RACGAP1: variants seen among roughly 807,000 people sequenced by gnomAD.
RACGAP1 encodes the protein Rac GTPase activating protein 1.
RACGAP1 carries 30 observed loss-of-function variants against 78.1 expected under a neutral mutation model. The observed-to-expected ratio is 0.38, with a 90% confidence interval of 0.29 to 0.52. The LOEUF is 0.52. RACGAP1 is among the 20% of genes least tolerant of loss of function. The probability of loss-of-function intolerance (pLI) is 0.82; values close to 1 mark genes in which losing one functional copy is unlikely to be tolerated. For synonymous variants in RACGAP1, 231 were observed against 264.8 expected, an observed-to-expected ratio of 0.87 and a Z score of 1.24; for missense variants, 587 against 777.1, an observed-to-expected ratio of 0.76 and a Z score of 2.91.
chr12:50,025,534 C>G, upstream of RACGAP1: 1 of 985,498 alleles, frequency 1.0e-6, no homozygotes. Flanking sequence ...TCCTCCCGCG[C>G]CGTCCCTCTA....
At chr12:50,015,756 C>T (rs1360656280) in intron 2 of RACGAP1, among the ~76,000 whole-genome samples, 1 of 151,048 alleles carries the variant, frequency 6.6e-6, no homozygotes, top group Non-Finnish European at 1.5e-5. Flanking sequence ...GAGCCGAGAT[C>T]GCACCACTGC....
At chr12:50,002,404 T>C (rs1948736621) in intron 5 of RACGAP1, 104 bp from the exon 6 acceptor site, 10 of 882,860 alleles carry the variant, frequency 1.1e-5, no homozygotes, top group Non-Finnish European at 1.8e-5. Context: ...TCAGTCAGGC[T>C]ACCTAACGTA....
At chr12:50,015,487 T>C (rs906416813) in intron 2 of RACGAP1, among the ~76,000 whole-genome samples, 2 of 151,968 alleles carry the variant, frequency 1.3e-5, no homozygotes, top group African/African-American at 2.4e-5. Context: ...CTGGGTAAAA[T>C]AGGGAGACCT....
chr12:49,991,479 A>ATTTTTTT (rs1197357619), intron 15 of RACGAP1, among the ~76,000 whole-genome samples: 4 of 24,088 alleles, frequency 1.7e-4, no homozygotes, highest in African/African-American at 5.6e-4. Context: ...ATATATATAT[A>ATTTTTTT]TTTTTTTTTT....
In RACGAP1 at chr12:50,005,347, A is replaced by T; in HGVS notation, c.334T>A (p.Ser112Thr). The T allele has an allele frequency of 6.2e-7, 1 of 1,614,196 alleles. No individual in the cohort carries two copies. Among genetic ancestry groups the T allele is most frequent in the Non-Finnish European group, 8.5e-7 (1 of 1,180,026 alleles). ...LIREMLMCDT[S>T]GSIQLSEEQK... The stretch of plus-strand genomic sequence containing the variant: ...TCCTCGCTTAGTTGAATGCTGCCAG[A>T]TGTGTCACACATGAGCATCTCTCGA... The change falls in exon 4 of 17, where the codon TCT (serine) becomes ACT (threonine). Residue 112 changes from serine (S) to threonine (T), a missense_variant. By Grantham distance (58) the Ser-to-Thr change is moderately conservative (BLOSUM62 1). Transcript: ENST00000312377.
chr12:49,996,657 A>AAAAAAAAAAAAAG (rs1948298422), intron 10 of RACGAP1, among the ~76,000 whole-genome samples: 1 of 138,560 alleles, frequency 7.2e-6, no homozygotes, highest in Non-Finnish European at 1.5e-5. Context: ...AAAAAAAAAA[A>AAAAAAAAAAAAAG]AAAAAAAAAA....
intron 6 of RACGAP1, among the ~76,000 whole-genome samples, 175 bp downstream of exon 6, chr12:50,002,072 G>GAAA (rs79466036): frequency 1.1e-5 from 1 of 87,220 alleles, no homozygotes. Flanking sequence ...TCAAAAAAAA[G>GAAA]AAAAAAAAAA....
intron 5 of RACGAP1, among the ~76,000 whole-genome samples, chr12:50,002,948 C>T (rs1032049995): frequency 2.7e-5 from 4 of 150,120 alleles, no homozygotes; most frequent in East Asian, 4.0e-4. Context: ...GGCATAAACC[C>T]GGGAGGCGGA....
chr12:50,017,927 C>T lies in RACGAP1; in HGVS notation c.-4-1208G>A, dbSNP rs772201952. Among the ~76,000 whole-genome samples the T allele has an allele frequency of 3.9e-5, 6 of 152,236 alleles. No homozygotes were observed. In the South Asian group the frequency reaches 6.2e-4, roughly 16 times the overall value. On this transcript the variant is annotated intron_variant, in intron 1 of 16. Transcript: ENST00000312377. ...ATCCCAGCACTTTGGGAGGCCCAGG[C>T]GGGCGGATCACTTGAGGTCAGGAGT...
intron 2 of RACGAP1, among the ~76,000 whole-genome samples, chr12:50,031,542 C>T (rs771259463): frequency 2.6e-5 from 4 of 151,270 alleles, no homozygotes; most frequent in Non-Finnish European, 5.9e-5. Context: ...TGCTTTTGCT[C>T]GCCCTTCTAG....
Position 50,016,656 on chromosome 12 carries a change from C to G in RACGAP1, c.60G>C (p.Glu20Asp), listed in dbSNP as rs767248256. Residue 20 changes from glutamate (E) to aspartate (D), a missense_variant, in exon 2 of 17, where the codon GAG becomes GAC. Coordinates refer to ENST00000312377, the MANE Select transcript of RACGAP1 (RefSeq NM_001319999.2). ...NLFEQLVRRV[E>D]ILSEGNEVQF... ...GGACTTCATTTCCTTCACTGAGAAT[C>G]TCCACCCGGCGCACAAGCTGCTCAA... 2.5e-5 allele frequency: 41 copies of G among 1,613,902 alleles called. No individual in the cohort carries two copies. Among genetic ancestry groups the G allele is most frequent in the Non-Finnish European group, 3.4e-5 (40 of 1,180,010 alleles).
rs57512055 is a variant in RACGAP1 at position 49,996,628 on chromosome 12, T to TAAAAAAAAAAAAAAA, written c.1044+397_1044+411dup. Among the ~76,000 whole-genome samples the TAAAAAAAAAAAAAAA allele has an allele frequency of 2.6e-4, 5 of 18,994 alleles. 1 individual carries two copies. Among genetic ancestry groups the TAAAAAAAAAAAAAAA allele is most frequent in the Admixed American group, 9.4e-4 (1 of 1,064 alleles). The allele number at this position is 18,994 out of a possible 152,430, so 12.5% of individuals were successfully genotyped here. On this transcript the variant is annotated intron_variant, in intron 10 of 16. Transcript: ENST00000312377. ...TGCACTCCAGCCTAGGCAATAGAGC[T>TAAAAAAAAAAAAAAA]AAAAAAAAAAAAAAAAAAAAAAAAA...
At chr12:50,027,335 A>T (rs1950287202), upstream of RACGAP1, among the ~76,000 whole-genome samples, 1 of 152,178 alleles carries the variant, frequency 6.6e-6, no homozygotes, top group Non-Finnish European at 1.5e-5. Context: ...TAGGACAAAG[A>T]CATGTATAAA....
chr12:50,022,798 C>G (rs1345137468), intron 1 of RACGAP1, among the ~76,000 whole-genome samples: 2 of 152,122 alleles, frequency 1.3e-5, no homozygotes, highest in African/African-American at 2.4e-5. Context: ...TTTAACTATT[C>G]TCTTCTTTGG....
chr12:50,029,375 A>G (rs1950310516), upstream of RACGAP1, among the ~76,000 whole-genome samples: 1 of 150,844 alleles, frequency 6.6e-6, no homozygotes, highest in South Asian at 2.1e-4. Context: ...ACAGAGCAAG[A>G]CTCCATCTCA....
intron 2 of RACGAP1, among the ~76,000 whole-genome samples, chr12:50,009,283 A>G (rs1949164561): frequency 6.6e-6 from 1 of 151,802 alleles, no homozygotes; most frequent in South Asian, 2.1e-4. Context: ...AATTCAAATT[A>G]CAGTACCTCC....
chr12:50,026,908 G>A (rs1373871434), upstream of RACGAP1, among the ~76,000 whole-genome samples: 2 of 152,036 alleles, frequency 1.3e-5, no homozygotes, highest in East Asian at 1.9e-4. Flanking sequence ...TGAACTCCTG[G>A]CCTTAGGTGA....
chr12:50,031,585 C>G (rs1950336363), intron 2 of RACGAP1: 1 of 637,932 alleles, frequency 1.6e-6, no homozygotes, highest in Admixed American at 6.3e-5. Context: ...GCAGTTCCTC[C>G]ACGCACCTGG....
chr12:50,017,026 C>T (rs927631699), intron 1 of RACGAP1: 4 of 1,099,900 alleles, frequency 3.6e-6, no homozygotes, highest in African/African-American at 1.6e-5. Flanking sequence ...GACTGACCAA[C>T]AAGAAAATGT....
Sources: gnomAD v4.1 joint callset for allele counts (sites outside exome capture counted in the v4.1 genomes callset) on GRCh38, gnomAD v4.1.1 for gene constraint, MANE v1.5 for transcripts, NCBI Gene and HGNC (gene_info 2026-07-23, HGNC 2026-07-21) for gene names.